Variants in NFASC observed in about 807,000 individuals in gnomAD.
NFASC encodes the protein neurofascin homolog.
A neutral mutation model predicts 147.5 loss-of-function variants in NFASC; 43 were observed. The observed-to-expected ratio is 0.29, with a 90% CI of 0.23 to 0.38. The LOEUF (loss-of-function observed/expected upper bound fraction) is 0.38. NFASC is among the 10% of genes least tolerant of loss of function. The pLI, the probability that NFASC is intolerant of heterozygous loss-of-function variation, is 1.00. For missense variants in NFASC, 1,320 were observed against 1,689.0 expected (o/e 0.78, Z 3.83); for synonymous variants, 622 against 665.5 (o/e 0.93, Z 1.01).
rs117585507 is a variant in NFASC at position 204,940,028 on chromosome 1, G to C, written c.-90-4198G>C. On this transcript the variant is annotated intron_variant, in intron 2 of 29. Coordinates refer to ENST00000339876, the MANE Select transcript of NFASC (RefSeq NM_001005388.3). ...ATGCTGAGTGAGCCCAGCCTGGGGA[G>C]CTGAGGGCCCTATATGCTCACATCA... is the stretch of plus-strand genomic sequence containing the variant. Among the ~76,000 whole-genome samples the C allele has an allele frequency of 1.6e-3, 246 of 152,256 alleles. 6 individuals carry two copies. In the East Asian group the frequency reaches 0.04, roughly 25 times the overall value.
intron 8 of NFASC, 88 bp downstream of exon 8, chr1:204,957,914 G>C (rs2094500553): frequency 1.6e-6 from 2 of 1,253,632 alleles, no homozygotes; most frequent in South Asian, 2.5e-5. Context: ...GTCTATAGGG[G>C]GAGACTTGTC....
At chr1:204,962,734 T>C (rs2094741872) in intron 8 of NFASC, among the ~76,000 whole-genome samples, 1 of 152,102 alleles carries the variant, frequency 6.6e-6, no homozygotes, top group Non-Finnish European at 1.5e-5. Context: ...TCAAGATGAG[T>C]ATAAATGAGG....
chr1:204,879,619 G>T (rs2079729727), intron 1 of NFASC, among the ~76,000 whole-genome samples: 1 of 152,114 alleles, frequency 6.6e-6, no homozygotes, highest in South Asian at 2.1e-4. Context: ...GCAGCCAAAT[G>T]GTACATTTTT....
chr1:204,838,123 C>G lies in NFASC; in HGVS notation c.-200+9341C>G, dbSNP rs146140428. The stretch of plus-strand genomic sequence containing the variant: ...TCTAAATGCTTTATATTAGTGCTGT[C>G]CAATAGAACTTTCTTTGATGATGGA... On this transcript the variant is annotated intron_variant, in intron 1 of 29. Coordinates refer to ENST00000339876, the MANE Select transcript of NFASC (RefSeq NM_001005388.3). Among the ~76,000 whole-genome samples, 548 of 152,290 alleles carry G rather than the reference C, an allele frequency of 3.6e-3. 5 individuals carry two copies. The highest frequency in any genetic ancestry group is 0.013 in the African/African-American group (524 of 41,552).
intron 1 of NFASC, among the ~76,000 whole-genome samples, chr1:204,862,172 T>C (rs1037185893): frequency 1.3e-5 from 2 of 152,234 alleles, no homozygotes; most frequent in Non-Finnish European, 2.9e-5. Context: ...CACTAAACAG[T>C]ATTCCCAACT....
rs188911870 is a variant in NFASC at position 204,975,461 on chromosome 1, G to T, written c.1706+43G>T. On this transcript the variant is annotated intron_variant, in intron 15 of 29. Coordinates refer to ENST00000339876, the MANE Select transcript of NFASC (RefSeq NM_001005388.3). This position sits in a 1 kb window ranked among gnomAD's most constrained non-coding sequence, Gnocchi z 4.0. Reference sequence around the variant, plus strand: ...CCCCTTCCTAGTGCTAGTTTGAGGCGCATTTTCTTTTCCCTTGCTGTTGGT... The same window carrying T: ...CCCCTTCCTAGTGCTAGTTTGAGGCTCATTTTCTTTTCCCTTGCTGTTGGT... The T allele has an allele frequency of 7.0e-6, 11 of 1,582,330 alleles. No homozygotes were observed. Among genetic ancestry groups the T allele is most frequent in the African/African-American group, 4.0e-5 (3 of 74,342 alleles).
chr1:204,880,995 G>A (rs2080091989), intron 1 of NFASC, among the ~76,000 whole-genome samples: 1 of 152,218 alleles, frequency 6.6e-6, no homozygotes, highest in Non-Finnish European at 1.5e-5. Flanking sequence ...AGCGAAGAGT[G>A]TAGCAGCCCT....
At chr1:204,967,038 A>G (rs2094987614) in intron 8 of NFASC, among the ~76,000 whole-genome samples, 1 of 152,062 alleles carries the variant, frequency 6.6e-6, no homozygotes, top group Non-Finnish European at 1.5e-5. Flanking sequence ...CGCTACCAGC[A>G]CCGATTAAAC....
In NFASC at chr1:204,937,659, A is replaced by G. The variant is rs151292650; in HGVS notation, c.-90-6567A>G. Among the ~76,000 whole-genome samples the G allele has an allele frequency of 1.1e-3, 171 of 152,148 alleles. 1 individual carries two copies. Among genetic ancestry groups the G allele is most frequent in the African/African-American group, 3.8e-3 (159 of 41,502 alleles). ...TCTTTTGGGCACTGAGTAATATTCC[A>G]TTGGATGTACCTCCGTTTCTCCATC... On this transcript the variant is annotated intron_variant, in intron 2 of 29. Transcript: ENST00000339876.
At chr1:204,870,782 T>G in intron 1 of NFASC, 1 of 1,170,090 alleles carries the variant, frequency 8.5e-7, no homozygotes. Flanking sequence ...CTTGAGATAA[T>G]AAAGCCCTGT....
At chr1:204,978,783 C>T (rs1296178566) in intron 17 of NFASC, among the ~76,000 whole-genome samples, 185 bp from the exon 18 acceptor site, 1 of 152,210 alleles carries the variant, frequency 6.6e-6, no homozygotes, top group Non-Finnish European at 1.5e-5. Context: ...CAGGAGTCTC[C>T]TCTTTGTTTT....
intron 28 of NFASC, among the ~76,000 whole-genome samples, chr1:205,011,495 G>A (rs1016159880): frequency 6.6e-6 from 1 of 152,174 alleles, no homozygotes; most frequent in Non-Finnish European, 1.5e-5. Context: ...CATTCCAGGT[G>A]GAAGTGGAAT....
intron 1 of NFASC, among the ~76,000 whole-genome samples, chr1:204,916,103 G>A (rs2089191540): frequency 6.6e-6 from 1 of 152,162 alleles, no homozygotes; most frequent in East Asian, 1.9e-4. Context: ...CTGCAGCGTG[G>A]CTGCTTCATC....
chr1:204,953,343 C>G (rs1283997811), intron 5 of NFASC, among the ~76,000 whole-genome samples: 1 of 152,252 alleles, frequency 6.6e-6, no homozygotes, highest in Non-Finnish European at 1.5e-5. Context: ...ATCCCCCAGA[C>G]TGGAGTGCAG....
rs2095474286 is a variant in NFASC at position 204,979,605 on chromosome 1, C to G, written c.2176+46C>G. On this transcript the variant is annotated intron_variant, in intron 19 of 29. Transcript: ENST00000339876. The surrounding 1 kb of genome is among the most constrained non-coding windows in gnomAD (Gnocchi z 6.0). ...AGAGAAGGCTCCGGAACCCCGCACC[C>G]CAAACTCACACTGAGATCCCCCCAT... The G allele has an allele frequency of 6.4e-7, 1 of 1,551,400 alleles. No individual in the cohort carries two copies. The highest frequency in any genetic ancestry group is 1.1e-5 in the South Asian group (1 of 89,820).
rs564278690 is a variant in NFASC, at chr1:205,014,990, C to T, written c.3492-1318C>T. ...CTCCCTCACACCATCTCCCAACCCA[C>T]GGCTGTCCCACGAATACAGTTAGGC... On this transcript the variant is annotated intron_variant, in intron 29 of 29. Coordinates refer to ENST00000339876, the MANE Select transcript of NFASC (RefSeq NM_001005388.3). Among the ~76,000 whole-genome samples, 21 of 152,264 alleles carry T rather than the reference C, an allele frequency of 1.4e-4. No homozygotes were observed. In the East Asian group the frequency reaches 1.7e-3, roughly 13 times the overall value.
chr1:204,844,377 A>G (rs959969939), intron 1 of NFASC, among the ~76,000 whole-genome samples: 1 of 152,178 alleles, frequency 6.6e-6, no homozygotes, highest in Admixed American at 6.5e-5. Flanking sequence ...GGGTAGCTTC[A>G]TGCTCTGCCT....
chr1:204,989,362 G>A (rs1176383935), intron 23 of NFASC: 1 of 154,714 alleles, frequency 6.5e-6, no homozygotes. Flanking sequence ...AGAGGAGGAG[G>A]AGTTAGGAAA....
At chr1:204,971,027 C>G (rs190710433) in intron 11 of NFASC, among the ~76,000 whole-genome samples, 23 of 152,244 alleles carry the variant, frequency 1.5e-4, no homozygotes, top group African/African-American at 5.3e-4. Flanking sequence ...TGCTTTCTCC[C>G]TCTGAACAAC....
Sources: allele counts gnomAD v4.1 joint callset (sites outside exome capture counted in the v4.1 genomes callset), GRCh38; gene constraint gnomAD v4.1.1; non-coding constraint Gnocchi (gnomAD v3.1); transcripts MANE v1.5; gene names NCBI Gene and HGNC (gene_info 2026-07-23, HGNC 2026-07-21).